The following ERN2 variants were observed in gnomAD, a reference collection of about 807,000 sequenced individuals.
The protein encoded by ERN2 is serine/threonine-protein kinase/endoribonuclease IRE2.
Under a neutral mutation model 107.9 loss-of-function variants are expected in ERN2, and 111 were observed. The ratio of observed to expected loss-of-function variants is 1.03; its 90% CI spans 0.88 to 1.20. The LOEUF (loss-of-function observed/expected upper bound fraction) is 1.20. Ranked by LOEUF, ERN2 falls within the 50% of genes most tolerant of loss-of-function variation. ERN2 has a pLI of 0.00. For missense variants in ERN2, 1,225 were observed against 1,197.9 expected, an observed-to-expected ratio of 1.02 and a Z score of -0.33; for synonymous variants, 524 against 501.7, an observed-to-expected ratio of 1.04 and a Z score of -0.59.
Position 23,706,406 on chromosome 16 carries a change from T to G in ERN2, c.513A>C (p.Pro171=). The change falls in exon 7 of 22, where the codon CCA becomes CCC. Residue 171 remains proline (P), a synonymous_variant. Transcript: ENST00000256797. Reference sequence around the variant, plus strand: ...TGTTCCAGCGCAGGGCTGGGGCTCTTGGGTCATGCATGGTGACCGTATACT... The same window carrying G: ...TGTTCCAGCGCAGGGCTGGGGCTCTGGGGTCATGCATGGTGACCGTATACT... The part of the protein sequence containing the change: ...RTQYTVTMHD[P]RAPALRWNTT... 9.5e-6 allele frequency: 15 copies of G among 1,575,238 alleles called. No homozygotes were observed. Among genetic ancestry groups the G allele is most frequent in the Non-Finnish European group, 1.2e-5 (14 of 1,159,628 alleles).
chr16:23,704,784 T>C, intron 8 of ERN2, 99 bp downstream of exon 8: 1 of 1,307,680 alleles, frequency 7.6e-7, no homozygotes, highest in Admixed American at 1.8e-5. Context: ...GGTTCAGCGG[T>C]ACTGGTGTGT....
intron 17 of ERN2, 85 bp downstream of exon 17, chr16:23,694,643 C>T: frequency 2.6e-6 from 3 of 1,157,424 alleles, no homozygotes; most frequent in Non-Finnish European, 2.4e-6. Context: ...GTCATGGAGT[C>T]TCCTCAGGAG....
At chr16:23,692,150 C>T (rs754008034) in intron 18 of ERN2, 34 bp downstream of exon 18, 73 of 1,613,806 alleles carry the variant, frequency 4.5e-5, no homozygotes, top group Non-Finnish European at 6.1e-5. Context: ...TCTTGCCCGT[C>T]CTCCCTTCTC....
In ERN2 at chr16:23,694,793, C is replaced by G. The variant is rs1567244174; in HGVS notation, c.2035G>C (p.Gly679Arg). 1 of 1,613,448 alleles carries G rather than the reference C, an allele frequency of 6.2e-7. No individual in the cohort carries two copies. ...ATCCAGCCTTCCGTGCCGGGGATGC[C>G]GGAGTGGAGGCTGAAGCTACAGCGG... is the stretch of plus-strand genomic sequence containing the variant. ...AGRCSFSLHSGIPGTEGWMAP... is the reference protein window; with the variant it reads ...AGRCSFSLHSRIPGTEGWMAP... Residue 679 changes from glycine (G) to arginine (R), a missense_variant, in exon 17 of 22, where the codon GGC (glycine) becomes CGC (arginine). Coordinates refer to ENST00000256797, the MANE Select transcript of ERN2 (RefSeq NM_033266.4).
intron 13 of ERN2, among the ~76,000 whole-genome samples, chr16:23,698,530 G>A (rs1222220929): frequency 6.6e-6 from 1 of 152,192 alleles, no homozygotes; most frequent in African/African-American, 2.4e-5. Flanking sequence ...GGGAGGCCCA[G>A]CCAAGCACAT....
chr16:23,705,090 C>T lies in ERN2; in HGVS notation c.647G>A (p.Ser216Asn). 6.2e-7 allele frequency: 1 copy of T among 1,613,982 alleles called. No individual in the cohort carries two copies. The highest frequency in any genetic ancestry group is 1.7e-4 in the Middle Eastern group (1 of 6,058). ...GTCCTGTGTCCACAGCACCGTCCCG[C>T]TTCCTGGGTCCACAGTGAGCAGCAG... is the stretch of plus-strand genomic sequence containing the variant. ...MGLLLTVDPG[S>N]GTVLWTQDLG... The change falls in exon 8 of 22, where the codon AGC (serine) becomes AAC (asparagine). Residue 216 changes from serine (S) to asparagine (N), a missense_variant. Transcript: ENST00000256797.
chr16:23,712,008 C>G (rs1231435723), intron 1 of ERN2: 1 of 453,808 alleles, frequency 2.2e-6, no homozygotes, highest in Admixed American at 2.4e-5. Context: ...GCTCCAGTCC[C>G]TCCTTGAGCA....
rs775988611 is a variant in ERN2 at position 23,695,217 on chromosome 16, G to C, written c.1783C>G (p.Arg595Gly). The change falls in exon 15 of 22, where the codon CGG becomes GGG. Residue 595 changes from arginine (R) to glycine (G), a missense_variant. Physicochemically the swap from Arg to Gly is moderately radical, Grantham distance 125. Transcript: ENST00000256797. ...QFHYIALELCRASLQEYVENP... is the reference protein window; with the variant it reads ...QFHYIALELCGASLQEYVENP... The stretch of plus-strand genomic sequence containing the variant: ...CAACTCACCTCCTGCAAGGAGGCCC[G>C]GCAGAGCTCCAGGGCAATGTAGTGG... 2 of 1,614,044 alleles carry C rather than the reference G, an allele frequency of 1.2e-6. No homozygotes were observed.
In ERN2 at chr16:23,694,791, G is replaced by A. The variant is rs1418703042; in HGVS notation, c.2037C>T (p.Gly679=). Residue 679 remains glycine, a synonymous_variant, in exon 17 of 22, where the codon GGC becomes GGT. Coordinates refer to ENST00000256797, the MANE Select transcript of ERN2 (RefSeq NM_033266.4). ...CCATCCAGCCTTCCGTGCCGGGGAT[G>A]CCGGAGTGGAGGCTGAAGCTACAGC... is the stretch of plus-strand genomic sequence containing the variant. ...AGRCSFSLHS[G]IPGTEGWMAP... 6.2e-7 allele frequency: 1 copy of A among 1,613,468 alleles called. No individual in the cohort carries two copies. Among genetic ancestry groups the A allele is most frequent in the Non-Finnish European group, 8.5e-7 (1 of 1,179,816 alleles).
At chr16:23,705,446 T>C (rs7199034) in intron 7 of ERN2, among the ~76,000 whole-genome samples, 103,789 of 151,732 alleles carry the variant, frequency 0.68, 36,518 homozygotes, top group African/African-American at 0.83. Context: ...TGGAGGCATT[T>C]GGGTCACTTG....
intron 3 of ERN2, 112 bp from the exon 4 acceptor site, chr16:23,710,356 C>T: frequency 8.3e-7 from 1 of 1,198,924 alleles, no homozygotes; most frequent in South Asian, 1.2e-5. Context: ...TTGTAGGAAA[C>T]ATCATGGGGC....
chr16:23,701,034 C>G lies in ERN2; in HGVS notation c.1284G>C (p.Leu428=). 6.2e-7 allele frequency: 1 copy of G among 1,614,082 alleles called. No homozygotes were observed. Among genetic ancestry groups the G allele is most frequent in the East Asian group, 2.2e-5 (1 of 44,876 alleles). The change falls in exon 12 of 22, where the codon CTG becomes CTC. Residue 428 remains leucine, a synonymous_variant. Coordinates refer to ENST00000256797, the MANE Select transcript of ERN2 (RefSeq NM_033266.4). ...TAGCTGCCAGCAGGTCTTGGGGTCCCAGCCCCAAGTAAGAGTCTGGAGTTT... is the reference window on the plus strand; with the variant it reads ...TAGCTGCCAGCAGGTCTTGGGGTCCGAGCCCCAAGTAAGAGTCTGGAGTTT... ...EEKTPDSYLG[L]GPQDLLAASL...
chr16:23,705,781 G>A (rs991561567), intron 7 of ERN2, among the ~76,000 whole-genome samples: 3 of 152,176 alleles, frequency 2.0e-5, no homozygotes, highest in African/African-American at 7.2e-5. Flanking sequence ...AGGCTTGGTG[G>A]TACACATCTG....
intron 1 of ERN2, 37 bp from the exon 2 acceptor site, chr16:23,711,055 G>T: frequency 1.4e-6 from 2 of 1,434,062 alleles, no homozygotes; most frequent in Non-Finnish European, 9.8e-7. Flanking sequence ...CTCTCTGAGG[G>T]GTCTGGGACC....
rs566355568 is a variant in ERN2, at chr16:23,690,929, G to A, written c.2683C>T (p.Arg895Ter). 14 of 1,613,896 alleles carry A rather than the reference G, an allele frequency of 8.7e-6. No individual in the cohort carries two copies. Among genetic ancestry groups the A allele is most frequent in the African/African-American group, 5.3e-5 (4 of 75,052 alleles). ...RFPRLLLHTH[R>*]AMRSCASESL... ...TCAGAGGCGCAGCTCCTCATGGCTC[G>A]GTGCGTGTGGAGGAGCAGCCGTGGG... The change falls in exon 22 of 22, where the codon CGA becomes TGA. Residue 895 changes from arginine (R) to a stop codon, truncating the protein, a stop_gained. Transcript: ENST00000256797. LOFTEE classifies it low-confidence loss of function (END_TRUNC).
intron 16 of ERN2, 26 bp downstream of exon 16, chr16:23,694,993 G>A: frequency 6.2e-7 from 1 of 1,613,006 alleles, no homozygotes; most frequent in Non-Finnish European, 8.5e-7. Context: ...AGGACAGGGA[G>A]CGGGAGGCAG....
chr16:23,702,033 G>A (rs1407468346), intron 11 of ERN2, 119 bp downstream of exon 11: 2 of 1,013,556 alleles, frequency 2.0e-6, no homozygotes, highest in East Asian at 2.5e-5. Context: ...GAAATTGTGT[G>A]AGGTCAATTG....
intron 8 of ERN2, among the ~76,000 whole-genome samples, chr16:23,703,088 C>T (rs1960156397): frequency 6.6e-6 from 1 of 151,922 alleles, no homozygotes; most frequent in Non-Finnish European, 1.5e-5. Flanking sequence ...CAACCCACCC[C>T]AGCTGACCCA....
chr16:23,712,069 A>C, intron 1 of ERN2: 1 of 453,120 alleles, frequency 2.2e-6, no homozygotes, highest in Non-Finnish European at 4.4e-6. Context: ...CGGGTGGCCC[A>C]GCCGCACCCC....
Sources: gnomAD v4.1 joint callset for allele counts (sites outside exome capture counted in the v4.1 genomes callset) on GRCh38, gnomAD v4.1.1 for gene constraint, MANE v1.5 for transcripts, NCBI Gene and HGNC (gene_info 2026-07-23, HGNC 2026-07-21) for gene names.